CCDC66: variants seen among roughly 807,000 people sequenced by gnomAD.
CCDC66 encodes coiled-coil domain-containing protein 66.
Under a neutral mutation model 128.3 loss-of-function variants are expected in CCDC66, and 133 were observed. That is an observed-to-expected ratio of 1.04 (90% CI 0.90 to 1.20). CCDC66 has a LOEUF of 1.20. Ranked by LOEUF, CCDC66 falls within the 50% of genes most tolerant of loss-of-function variation. The pLI is 0.00. For missense variants in CCDC66, 1,126 were observed against 1,075.5 expected, an observed-to-expected ratio of 1.05 and a Z score of -0.66; for synonymous variants, 387 against 357.0, an observed-to-expected ratio of 1.08 and a Z score of -0.95.
At chr3:56,580,128 T>A (rs1448972589) in intron 7 of CCDC66, among the ~76,000 whole-genome samples, 1 of 151,912 alleles carries the variant, frequency 6.6e-6, no homozygotes, top group Non-Finnish European at 1.5e-5. Flanking sequence ...GATAGTTAGC[T>A]CTTCTTGTTG....
Position 56,613,694 on chromosome 3 carries a change from C to A in CCDC66, c.1510C>A (p.Arg504Ser), listed in dbSNP as rs765969408. 1.9e-6 allele frequency: 3 copies of A among 1,613,874 alleles called. No individual in the cohort carries two copies. Among genetic ancestry groups the A allele is most frequent in the African/African-American group, 1.3e-5 (1 of 74,914 alleles). ...QEEELRLAQE[R>S]EEMQKQYEED... Reference sequence around the variant, plus strand: ...AGAGGAGCTTCGCTTAGCACAGGAACGTGAAGAGATGCAGAAACAGTATGA... The same window carrying A: ...AGAGGAGCTTCGCTTAGCACAGGAAAGTGAAGAGATGCAGAAACAGTATGA... Residue 504 changes from arginine to serine, a missense_variant, in exon 11 of 18, where the codon CGT becomes AGT. Physicochemically the swap from Arg to Ser is moderately radical, Grantham distance 110. Transcript: ENST00000394672.
Position 56,580,505 on chromosome 3 carries a change from C to T in CCDC66, c.936+9203C>T, listed in dbSNP as rs930546617. On this transcript the variant is annotated intron_variant, in intron 7 of 17. Coordinates refer to ENST00000394672, the MANE Select transcript of CCDC66 (RefSeq NM_001141947.3). ...AGTTGATGCAGTTTCTTCCTAGCCT[C>T]GATGGTCTTTACAATTTGGCATGTT... Among the ~76,000 whole-genome samples the T allele has an allele frequency of 2.7e-3, 410 of 151,846 alleles. 5 individuals are homozygous for T. Among genetic ancestry groups the T allele is most frequent in the African/African-American group, 9.4e-3 (389 of 41,476 alleles).
At chr3:56,567,107 T>C in intron 6 of CCDC66, 54 bp downstream of exon 6, 1 of 1,398,814 alleles carries the variant, frequency 7.1e-7, no homozygotes, top group Non-Finnish European at 1.0e-6. Flanking sequence ...GAATATGTAT[T>C]GAAGCCGGGC....
chr3:56,617,733 C>T (rs969877383), intron 14 of CCDC66, 128 bp downstream of exon 14: 1 of 1,163,706 alleles, frequency 8.6e-7, no homozygotes, highest in Non-Finnish European at 1.2e-6. Flanking sequence ...AAACTATATC[C>T]CATGGGCAAA....
At position 56,619,304 on chromosome 3, in the gene CCDC66, C is replaced by A. The variant is rs779457620; in HGVS notation, c.2412C>A (p.Asn804Lys). ...SPSSPVPVVK[N>K]RTQQTQNTLH... ...CATCACCAGTTCCAGTAGTGAAAAA[C>A]AGAACCCAACAAACTCAAAATACAT... Residue 804 changes from asparagine to lysine, a missense_variant, in exon 16 of 18, where the codon AAC (asparagine) becomes AAA (lysine). Physicochemically the swap from Asn to Lys is moderately conservative, Grantham distance 94. Coordinates refer to ENST00000394672, the MANE Select transcript of CCDC66 (RefSeq NM_001141947.3). 6.2e-6 allele frequency: 10 copies of A among 1,610,432 alleles called. No individual in the cohort carries two copies. Among genetic ancestry groups the A allele is most frequent in the Non-Finnish European group, 7.6e-6 (9 of 1,178,382 alleles).
At chr3:56,589,001 T>A (rs964327791) in intron 7 of CCDC66, among the ~76,000 whole-genome samples, 2 of 152,150 alleles carry the variant, frequency 1.3e-5, no homozygotes, top group African/African-American at 4.8e-5. Flanking sequence ...TAGGTCAAAG[T>A]GGATATTAGT....
intron 7 of CCDC66, among the ~76,000 whole-genome samples, chr3:56,579,894 G>C (rs1286583066): frequency 6.6e-6 from 1 of 151,852 alleles, no homozygotes; most frequent in Non-Finnish European, 1.5e-5. Flanking sequence ...TGTTGATTTG[G>C]GGTGGAGAGT....
chr3:56,612,996 T>TG (rs1379764773), intron 10 of CCDC66, among the ~76,000 whole-genome samples: 1 of 151,612 alleles, frequency 6.6e-6, no homozygotes, highest in Non-Finnish European at 1.5e-5. Flanking sequence ...CTAGGGAGGG[T>TG]GGGTTTGCTT....
intron 10 of CCDC66, among the ~76,000 whole-genome samples, chr3:56,608,113 T>C (rs1441744878): frequency 6.6e-6 from 1 of 152,134 alleles, no homozygotes; most frequent in Non-Finnish European, 1.5e-5. Flanking sequence ...GTGTGTCCTT[T>C]CCTGGTTTTG....
intron 4 of CCDC66, among the ~76,000 whole-genome samples, chr3:56,564,890 T>C (rs953483990): frequency 5.3e-4 from 81 of 152,358 alleles, no homozygotes; most frequent in African/African-American, 1.9e-3. Context: ...TCTCTTGTTA[T>C]AGATTATTCT....
chr3:56,571,203 GAAAGAA>G lies in CCDC66; in HGVS notation c.844_849del (p.Lys282_Glu283del), dbSNP rs1477088737. On this transcript the variant is annotated inframe_deletion, in exon 7 of 18. Transcript: ENST00000394672. ...CAGATGAACAGGTTGCTTTAAAGAA[GAAAGAA>G]AAAGAAGTTTCTGAAAAATGGAATG... is the stretch of plus-strand genomic sequence containing the variant. 2.6e-6 allele frequency: 4 copies of G among 1,524,090 alleles called. No individual in the cohort carries two copies. Among genetic ancestry groups the G allele is most frequent in the Non-Finnish European group, 2.7e-6 (3 of 1,118,794 alleles). 94.4% of individuals were successfully genotyped at this position (1,524,090 alleles called of 1,614,324 possible).
Position 56,605,888 on chromosome 3 carries a change from G to C in CCDC66, c.1405-7701G>C, listed in dbSNP as rs557663482. Among the ~76,000 whole-genome samples, 6 of 152,142 alleles carry C rather than the reference G, an allele frequency of 3.9e-5. No homozygotes were observed. The South Asian group carries it at 8.3e-4, about 21-fold the overall frequency. ...GCACCCACAGCCACCCCTTCCCCCT[G>C]GTGCTCTGCCTCAGAGAGGTAGGGG... On this transcript the variant is annotated intron_variant, in intron 10 of 17. Transcript: ENST00000394672.
chr3:56,621,010 G>C (rs995203199), intron 17 of CCDC66: 8 of 151,548 alleles, frequency 5.3e-5, no homozygotes, highest in African/African-American at 1.9e-4. Flanking sequence ...AAGTTAGTTA[G>C]TTAGTTAGCC....
chr3:56,564,675 A>G (rs1405686742), intron 4 of CCDC66, among the ~76,000 whole-genome samples: 3 of 152,224 alleles, frequency 2.0e-5, no homozygotes, highest in Non-Finnish European at 4.4e-5. Flanking sequence ...AAGTCCTGGC[A>G]TTGTATTGTG....
Position 56,619,176 on chromosome 3 carries a change from A to G in CCDC66, c.2379-95A>G, listed in dbSNP as rs901080426. ...GCCACTGCACTCCAGCCTGGGCAAC[A>G]GAGCGAGACTTCATCTCATAAATAA... On this transcript the variant is annotated intron_variant, in intron 15 of 17. Transcript: ENST00000394672. 15 of 1,057,078 alleles carry G rather than the reference A, an allele frequency of 1.4e-5. No individual in the cohort carries two copies. In the African/African-American group the frequency reaches 2.4e-4, roughly 17 times the overall value. 65.5% of individuals were successfully genotyped at this position (1,057,078 alleles called of 1,614,324 possible). A position where few individuals can be genotyped will look rare whatever the true frequency, so the allele number is the denominator to read the frequency against.
intron 7 of CCDC66, among the ~76,000 whole-genome samples, chr3:56,578,884 G>C (rs917959775): frequency 3.3e-5 from 5 of 151,698 alleles, no homozygotes; most frequent in African/African-American, 1.2e-4. Flanking sequence ...TTTTTGTTGT[G>C]TCTTTGCCAG....
At chr3:56,564,306 C>G (rs1341789716) in intron 4 of CCDC66, 181 bp downstream of exon 4, 2 of 540,334 alleles carry the variant, frequency 3.7e-6, no homozygotes, top group Non-Finnish European at 6.4e-6. Context: ...TATAGTTGTG[C>G]CATATTTTAA....
At chr3:56,563,499 A>G (rs2107745837) in intron 3 of CCDC66, 185 bp from the exon 4 acceptor site, 2 of 555,036 alleles carry the variant, frequency 3.6e-6, no homozygotes, top group East Asian at 5.7e-5. Context: ...AAAGTTCCTG[A>G]AGTAAGATAA....
intron 10 of CCDC66, among the ~76,000 whole-genome samples, chr3:56,597,442 G>A (rs892270963): frequency 2.0e-5 from 3 of 151,978 alleles, no homozygotes; most frequent in Non-Finnish European, 2.9e-5. Context: ...AATGAAGGTG[G>A]TATTTTGATA....
Sources: gnomAD v4.1 joint callset for allele counts (sites outside exome capture counted in the v4.1 genomes callset) on GRCh38, gnomAD v4.1.1 for gene constraint, MANE v1.5 for transcripts, NCBI Gene and HGNC (gene_info 2026-07-23, HGNC 2026-07-21) for gene names.